SOBP: variants seen among roughly 807,000 people sequenced by gnomAD.
The protein encoded by SOBP is sine oculis binding protein homolog.
In SOBP, 4 loss-of-function variants were observed where a neutral mutation model predicts 53.6. The ratio of observed to expected loss-of-function variants is 0.07; its 90% CI spans 0.04 to 0.17. The LOEUF (loss-of-function observed/expected upper bound fraction) is 0.17. Ranked by LOEUF, SOBP falls within the 10% of genes least tolerant of loss-of-function variation. SOBP has a pLI of 1.00. For synonymous variants in SOBP, 584 were observed against 522.6 expected (o/e 1.12, Z -1.60); for missense variants, 1,088 against 1,204.7 (o/e 0.90, Z 1.43).
intron 3 of SOBP, among the ~76,000 whole-genome samples, chr6:107,520,263 C>T (rs1221861801): frequency 2.0e-5 from 3 of 152,212 alleles, no homozygotes; most frequent in Non-Finnish European, 4.4e-5. Flanking sequence ...TCCTTTGCCT[C>T]AGCTCCTTTA....
chr6:107,643,366 T>C (rs1346139013), intron 6 of SOBP, among the ~76,000 whole-genome samples: 1 of 152,184 alleles, frequency 6.6e-6, no homozygotes, highest in South Asian at 2.1e-4. Context: ...TTTGTCCTTA[T>C]AATGTGTTAG....
At position 107,634,287 on chromosome 6, in the gene SOBP, G is replaced by A. The variant is rs774506012; in HGVS notation, c.1443G>A (p.Pro481=). ...NPPGLLPPPP[P]GAPLPSLPFP... ...CAGGCCTGCTGCCCCCGCCGCCTCC[G>A]GGCGCCCCGCTGCCGAGTCTTCCCT... Residue 481 remains proline, a synonymous_variant, in exon 6 of 7, where the codon CCG becomes CCA. Coordinates refer to ENST00000317357, the MANE Select transcript of SOBP (RefSeq NM_018013.4). This position sits in a 1 kb window ranked among gnomAD's most constrained non-coding sequence, Gnocchi z 4.5. The A allele has an allele frequency of 5.3e-6, 8 of 1,499,044 alleles. No homozygotes were observed. The highest frequency in any genetic ancestry group is 8.9e-7 in the Non-Finnish European group (1 of 1,129,692). 92.9% of individuals were successfully genotyped at this position (1,499,044 alleles called of 1,614,324 possible). A position where few individuals can be genotyped will look rare whatever the true frequency, so the allele number is the denominator to read the frequency against.
intron 5 of SOBP, among the ~76,000 whole-genome samples, chr6:107,629,046 C>T (rs1770586567): frequency 6.6e-6 from 1 of 152,196 alleles, no homozygotes; most frequent in African/African-American, 2.4e-5. Flanking sequence ...GTGCCACAGT[C>T]AACATGCCAA....
intron 4 of SOBP, among the ~76,000 whole-genome samples, chr6:107,547,324 C>T (rs1784327797): frequency 6.6e-6 from 1 of 152,056 alleles, no homozygotes; most frequent in African/African-American, 2.4e-5. Flanking sequence ...GTGTTACCTG[C>T]CTAGAGTAAA....
At chr6:107,616,082 G>GTT (rs1203263510) in intron 5 of SOBP, among the ~76,000 whole-genome samples, 9 of 102,038 alleles carry the variant, frequency 8.8e-5, no homozygotes, top group Non-Finnish European at 1.7e-4. Context: ...GAGGAAGGGG[G>GTT]GTGGGGGGGG....
chr6:107,500,711 CGG>C, intron 1 of SOBP, among the ~76,000 whole-genome samples: 1 of 151,840 alleles, frequency 6.6e-6, no homozygotes, highest in Admixed American at 6.6e-5. Flanking sequence ...TTATTAGAGA[CGG>C]ATGGGGTTTC....
At chr6:107,577,619 A>G (rs558958117) in intron 4 of SOBP, among the ~76,000 whole-genome samples, 1 of 152,240 alleles carries the variant, frequency 6.6e-6, no homozygotes, top group Non-Finnish European at 1.5e-5. Context: ...TTAATAAAAA[A>G]TTGTATCATA....
intron 4 of SOBP, among the ~76,000 whole-genome samples, chr6:107,570,657 C>T (rs1785048004): frequency 6.6e-6 from 1 of 152,246 alleles, no homozygotes. Flanking sequence ...TTCCTTTCAC[C>T]TGTCCTTTCA....
At chr6:107,491,638 G>C (rs1438711457) in intron 1 of SOBP, among the ~76,000 whole-genome samples, 2 of 152,278 alleles carry the variant, frequency 1.3e-5, no homozygotes, top group Admixed American at 6.5e-5. Context: ...GTTTTATTCT[G>C]TGTTGATTTC....
intron 6 of SOBP, among the ~76,000 whole-genome samples, chr6:107,652,784 G>A (rs544495345): frequency 1.3e-4 from 19 of 151,764 alleles, no homozygotes; most frequent in Middle Eastern, 3.4e-3. Context: ...GTCAGCAGCC[G>A]TCAGTATCAA....
intron 5 of SOBP, among the ~76,000 whole-genome samples, chr6:107,600,438 T>G (rs1786137235): frequency 6.6e-6 from 1 of 152,036 alleles, no homozygotes; most frequent in African/African-American, 2.4e-5. Flanking sequence ...ACAATGACAA[T>G]ACAAGGATTA....
At chr6:107,571,711 T>C in intron 4 of SOBP, among the ~76,000 whole-genome samples, 1 of 152,206 alleles carries the variant, frequency 6.6e-6, no homozygotes, top group Non-Finnish European at 1.5e-5. Flanking sequence ...CCATCAAAGA[T>C]GTCATTTTTC....
intron 1 of SOBP, among the ~76,000 whole-genome samples, chr6:107,502,003 A>T (rs1311811033): frequency 2.6e-5 from 4 of 152,178 alleles, no homozygotes; most frequent in African/African-American, 9.7e-5. Flanking sequence ...TTGTTAATGC[A>T]CTGTACCATC....
Position 107,634,299 on chromosome 6 carries a change from G to A in SOBP, c.1455G>A (p.Leu485=), listed in dbSNP as rs1770873244. 1.3e-6 allele frequency: 2 copies of A among 1,566,650 alleles called. No individual in the cohort carries two copies. The highest frequency in any genetic ancestry group is 2.4e-5 in the East Asian group (1 of 42,266). ...LLPPPPPGAP[L]PSLPFPPVSM... is the part of the protein sequence containing the mutation. ...CCCCGCCGCCTCCGGGCGCCCCGCTGCCGAGTCTTCCCTTCCCGCCAGTGA... is the reference window on the plus strand; with the variant it reads ...CCCCGCCGCCTCCGGGCGCCCCGCTACCGAGTCTTCCCTTCCCGCCAGTGA... Residue 485 remains leucine, a synonymous_variant, in exon 6 of 7, where the codon CTG becomes CTA. Transcript: ENST00000317357. This position sits in a 1 kb window ranked among gnomAD's most constrained non-coding sequence, Gnocchi z 4.5.
At chr6:107,610,823 C>T (rs1332074451) in intron 5 of SOBP, among the ~76,000 whole-genome samples, 1 of 149,844 alleles carries the variant, frequency 6.7e-6, no homozygotes, top group Non-Finnish European at 1.5e-5. Flanking sequence ...CACACACACA[C>T]ATACACACAC....
At chr6:107,609,766 C>G (rs953814439) in intron 5 of SOBP, among the ~76,000 whole-genome samples, 8 of 152,068 alleles carry the variant, frequency 5.3e-5, no homozygotes, top group African/African-American at 1.9e-4. Context: ...TGACAAAGCC[C>G]TACTCCCACC....
intron 1 of SOBP, among the ~76,000 whole-genome samples, chr6:107,500,574 T>C (rs1016658600): frequency 3.3e-5 from 5 of 151,668 alleles, no homozygotes; most frequent in African/African-American, 9.7e-5. Context: ...CAGGCTGGAG[T>C]GCAGTGGCGC....
rs994861010 is a variant in SOBP at position 107,633,520 on chromosome 6, G to A, written c.676G>A (p.Asp226Asn). The change falls in exon 6 of 7, where the codon GAC becomes AAC. Residue 226 changes from aspartate to asparagine, a missense_variant. Around this residue, in one of 6 missense-constraint regions of SOBP, gnomAD observed 55 missense variants for 134.3 expected, o/e 0.41. Coordinates refer to ENST00000317357, the MANE Select transcript of SOBP (RefSeq NM_018013.4). ...TTTTATTACTGTGTTGTAGGTATGTGACTGGTGTAAGCACATAAGACACAC... is the reference window on the plus strand; with the variant it reads ...TTTTATTACTGTGTTGTAGGTATGTAACTGGTGTAAGCACATAAGACACAC... The part of the protein sequence containing the change: ...FKNNCELLVC[D>N]WCKHIRHTKE... 6.2e-7 allele frequency: 1 copy of A among 1,614,084 alleles called. No individual in the cohort carries two copies. Among genetic ancestry groups the A allele is most frequent in the Non-Finnish European group, 8.5e-7 (1 of 1,180,048 alleles).
At chr6:107,530,604 G>T (rs1320225723) in intron 3 of SOBP, among the ~76,000 whole-genome samples, 1 of 151,844 alleles carries the variant, frequency 6.6e-6, no homozygotes, top group Admixed American at 6.6e-5. Context: ...TAAATTTTTT[G>T]AATAACCCAA....
Sources: gnomAD v4.1 joint callset for allele counts (sites outside exome capture counted in the v4.1 genomes callset) on GRCh38, gnomAD v4.1.1 for gene constraint, gnomAD v4.1.1 regional missense constraint, Gnocchi (gnomAD v3.1) non-coding constraint, MANE v1.5 for transcripts, NCBI Gene and HGNC (gene_info 2026-07-23, HGNC 2026-07-21) for gene names.